RIMS1: variants seen among roughly 807,000 people sequenced by gnomAD.
RIMS1 encodes the protein regulating synaptic membrane exocytosis protein 1.
A neutral mutation model predicts 214.1 loss-of-function variants in RIMS1; 83 were observed. The ratio of observed to expected loss-of-function variants is 0.39; its 90% CI spans 0.32 to 0.47. The LOEUF is 0.47. RIMS1 is among the 20% of genes least tolerant of loss of function. The pLI is 0.99. For synonymous variants in RIMS1, 793 were observed against 786.8 expected (o/e 1.01, Z -0.13); for missense variants, 2,050 against 2,161.8 (o/e 0.95, Z 1.03).
chr6:72,154,434 A>G lies in RIMS1; in HGVS notation c.472-25141A>G, dbSNP rs375624641. 5.0e-5 allele frequency among the ~76,000 whole-genome samples: 7 copies of G among 141,252 alleles called. No individual in the cohort carries two copies. The East Asian group carries it at 1.0e-3, about 20-fold the overall frequency. 92.7% of individuals were successfully genotyped at this position (141,252 alleles called of 152,430 possible). On this transcript the variant is annotated intron_variant, in intron 4 of 33. Transcript: ENST00000521978. Reference sequence around the variant, plus strand: ...TTGCAGTTTATTAGAGATGAAAACAATGATCAAAATAGCAAAAAATCTAAA... The same window carrying G: ...TTGCAGTTTATTAGAGATGAAAACAGTGATCAAAATAGCAAAAAATCTAAA...
intron 1 of RIMS1, among the ~76,000 whole-genome samples, chr6:71,905,382 C>G (rs947227003): frequency 1.3e-5 from 2 of 152,042 alleles, no homozygotes; most frequent in Non-Finnish European, 2.9e-5. Flanking sequence ...TATCTTGAAG[C>G]AGTGATCCCT....
chr6:71,941,071 A>G (rs1229579530), intron 1 of RIMS1, among the ~76,000 whole-genome samples: 1 of 152,172 alleles, frequency 6.6e-6, no homozygotes, highest in Admixed American at 6.5e-5. Context: ...TGATTTTGAC[A>G]AATATAATTC....
At chr6:72,000,367 A>G (rs993610776) in intron 2 of RIMS1, among the ~76,000 whole-genome samples, 4 of 152,190 alleles carry the variant, frequency 2.6e-5, no homozygotes, top group Admixed American at 6.6e-5. Flanking sequence ...TTCCTCAAGC[A>G]TATCTAGCAG....
intron 2 of RIMS1, among the ~76,000 whole-genome samples, chr6:72,067,169 C>A (rs544914404): frequency 6.6e-6 from 1 of 152,318 alleles, no homozygotes; most frequent in African/African-American, 2.4e-5. Flanking sequence ...TCAATGAGAT[C>A]ATGTCTCTCC....
intron 29 of RIMS1, among the ~76,000 whole-genome samples, chr6:72,389,241 C>A (rs1183013903): frequency 6.6e-6 from 1 of 152,110 alleles, no homozygotes; most frequent in African/African-American, 2.4e-5. Context: ...AAAAATAGTT[C>A]CCAAATTACT....
chr6:72,343,247 T>C (rs1365329942), intron 29 of RIMS1, among the ~76,000 whole-genome samples: 1 of 151,832 alleles, frequency 6.6e-6, no homozygotes, highest in African/African-American at 2.4e-5. Flanking sequence ...TTTGAGAATA[T>C]ATTGCCACAT....
At chr6:72,043,989 A>G (rs1822231117) in intron 2 of RIMS1, among the ~76,000 whole-genome samples, 1 of 151,640 alleles carries the variant, frequency 6.6e-6, no homozygotes, top group African/African-American at 2.4e-5. Flanking sequence ...TTTCTTTTTA[A>G]TGATGTAATT....
intron 28 of RIMS1, among the ~76,000 whole-genome samples, chr6:72,322,390 G>A (rs927289098): frequency 1.3e-5 from 2 of 152,080 alleles, no homozygotes; most frequent in East Asian, 3.9e-4. Context: ...AACTGGTATA[G>A]CATGATTTTA....
intron 2 of RIMS1, among the ~76,000 whole-genome samples, chr6:72,006,277 C>A (rs1036444342): frequency 6.6e-6 from 1 of 152,062 alleles, no homozygotes; most frequent in Non-Finnish European, 1.5e-5. Flanking sequence ...ACATTCATTC[C>A]GTTGCAACTT....
At chr6:72,251,182 G>T in intron 14 of RIMS1, 33 bp from the exon 15 acceptor site, 4 of 1,574,682 alleles carry the variant, frequency 2.5e-6, no homozygotes, top group East Asian at 2.3e-5. Flanking sequence ...TTTGATAAAG[G>T]TACTTGATTT....
rs575179828 is a variant in RIMS1, at chr6:72,161,203, G to A, written c.472-18372G>A. On this transcript the variant is annotated intron_variant, in intron 4 of 33. Transcript: ENST00000521978. The stretch of plus-strand genomic sequence containing the variant: ...GTGTGTATAGTATTCTCTGATGGTA[G>A]TTTGTATTTCTGTGGGATTGGTGGT... 2.1e-4 allele frequency among the ~76,000 whole-genome samples: 29 copies of A among 140,866 alleles called. 7 individuals carry two copies. Among genetic ancestry groups the A allele is most frequent in the Admixed American group, 6.5e-4 (9 of 13,772 alleles). The allele number at this position is 140,866 out of a possible 152,430, so 92.4% of individuals were successfully genotyped here. A position where few individuals can be genotyped will look rare whatever the true frequency, so the allele number is the denominator to read the frequency against.
chr6:72,235,486 G>T (rs547027362), intron 7 of RIMS1, 132 bp from the exon 8 acceptor site: 407 of 576,014 alleles, frequency 7.1e-4, no homozygotes, highest in Non-Finnish European at 1.2e-3. Flanking sequence ...CATGTTCCTG[G>T]CTTATTTCAC....
At chr6:72,347,576 A>G (rs2746208) in intron 29 of RIMS1, among the ~76,000 whole-genome samples, 2,993 of 144,136 alleles carry the variant, frequency 0.021, 85 homozygotes, top group African/African-American at 0.066. Context: ...AAAAATAGTA[A>G]AAAATGTCCA....
At chr6:72,308,189 A>G (rs539981817) in intron 27 of RIMS1, among the ~76,000 whole-genome samples, 2 of 152,248 alleles carry the variant, frequency 1.3e-5, no homozygotes, top group African/African-American at 4.8e-5. Flanking sequence ...CACAATTTCA[A>G]GTGCTAATAA....
rs1442867943 is a variant in RIMS1, at chr6:72,264,599, A to T, written c.3117-376A>T. On this transcript the variant is annotated intron_variant, in intron 19 of 33. Coordinates refer to ENST00000521978, the MANE Select transcript of RIMS1 (RefSeq NM_014989.7). The stretch of plus-strand genomic sequence containing the variant: ...CTTTTAGTCATATTGTAACTCTAAA[A>T]TTATATAAATTAGTTGATTTTTACT... Among the ~76,000 whole-genome samples the T allele has an allele frequency of 2.0e-5, 3 of 152,176 alleles. No homozygotes were observed. In the East Asian group the frequency reaches 5.8e-4, roughly 29 times the overall value.
chr6:72,322,898 G>A (rs531128341), intron 28 of RIMS1, among the ~76,000 whole-genome samples: 6 of 152,020 alleles, frequency 3.9e-5, no homozygotes, highest in East Asian at 3.9e-4. Context: ...TCCTTCATAC[G>A]TTGACCAGTG....
intron 6 of RIMS1, among the ~76,000 whole-genome samples, chr6:72,197,209 A>T (rs1196279327): frequency 6.6e-6 from 1 of 152,100 alleles, no homozygotes; most frequent in Non-Finnish European, 1.5e-5. Flanking sequence ...TCAGAGATAC[A>T]CTTAGTATCT....
chr6:72,059,287 T>C (rs1827203515), intron 2 of RIMS1, among the ~76,000 whole-genome samples: 1 of 152,204 alleles, frequency 6.6e-6, no homozygotes, highest in South Asian at 2.1e-4. Context: ...AGTATAGTGC[T>C]ACAATCACAG....
intron 28 of RIMS1, among the ~76,000 whole-genome samples, chr6:72,318,482 A>G (rs575898584): frequency 1.5e-4 from 23 of 152,202 alleles, no homozygotes; most frequent in African/African-American, 5.3e-4. Flanking sequence ...CTGTGCTACT[A>G]TCCCTCCCCC....
Sources: allele counts gnomAD v4.1 joint callset (sites outside exome capture counted in the v4.1 genomes callset), GRCh38; gene constraint gnomAD v4.1.1; transcripts MANE v1.5; gene names NCBI Gene and HGNC (gene_info 2026-07-23, HGNC 2026-07-21).